CABLES2: variants seen among roughly 807,000 people sequenced by gnomAD.
The protein encoded by CABLES2 is Cdk5 and Abl enzyme substrate 2, also known as CDK5 and ABL1 enzyme substrate 2.
In CABLES2, 35 loss-of-function variants were observed where a neutral mutation model predicts 44.8. The ratio of observed to expected loss-of-function variants is 0.78; its 90% confidence interval spans 0.60 to 1.04. The LOEUF is 1.04. CABLES2 is among the 50% of genes least tolerant of loss of function. The pLI is 0.00. For synonymous variants in CABLES2, 282 were observed against 281.1 expected (o/e 1.00, Z -0.03); for missense variants, 566 against 615.7 (o/e 0.92, Z 0.85).
intron 1 of CABLES2, among the ~76,000 whole-genome samples, chr20:62,406,320 C>G (rs368429078): frequency 6.6e-6 from 1 of 152,038 alleles, no homozygotes; most frequent in East Asian, 1.9e-4. Context: ...TCAAAGAATG[C>G]GAAGAGATGC....
rs1249168469 is a variant in CABLES2 at position 62,396,652 on chromosome 20, C to T, written c.363-60G>A. 4.6e-6 allele frequency: 7 copies of T among 1,538,168 alleles called. No individual in the cohort carries two copies. The highest frequency in any genetic ancestry group is 6.2e-6 in the Non-Finnish European group (7 of 1,131,298). ...CCAGCCCGGGTGCCGCCTTTGTGGC[C>T]AGAAACCGAGTGCCGCCCGCTGTGC... On this transcript the variant is annotated intron_variant, in intron 1 of 9. Transcript: ENST00000279101. The surrounding 1 kb of genome is among the most constrained non-coding windows in gnomAD (Gnocchi z 5.7).
rs1403803929 is a variant in CABLES2, at chr20:62,406,982, C to A, written c.295G>T (p.Ala99Ser). The A allele has an allele frequency of 5.0e-6, 6 of 1,203,820 alleles. No individual in the cohort carries two copies. The highest frequency in any genetic ancestry group is 6.2e-6 in the Non-Finnish European group (6 of 969,944). The allele number at this position is 1,203,820 out of a possible 1,614,324, so 74.6% of individuals were successfully genotyped here. A position where few individuals can be genotyped will look rare whatever the true frequency, so the allele number is the denominator to read the frequency against. ...PPTGLPARTP[A>S]PQGLLSPTQV... is the part of the protein sequence containing the mutation. ...GTGGGGCTGAGCAGGCCCTGGGGCG[C>A]GGGGGTCCTGGCGGGCAGCCCGGTG... Residue 99 changes from alanine to serine, a missense_variant, in exon 1 of 10, where the codon GCG becomes TCG. By Grantham distance (99) the Ala-to-Ser change is moderately conservative (BLOSUM62 1). Transcript: ENST00000279101.
rs1988317534 is a variant in CABLES2, at chr20:62,407,245, C to G, written c.32G>C (p.Gly11Ala). MAAAAAGGAP[G>A]PAPGPAGPPP... ...GGGCCCGGCGGGGCCGGGGGCCGGG[C>G]CCGGGGCTCCACCGGCCGCGGCCGC... Residue 11 changes from glycine (G) to alanine (A), a missense_variant, in exon 1 of 10, where the codon GGC (glycine) becomes GCC (alanine). Physicochemically the swap from Gly to Ala is moderately conservative, Grantham distance 60. Around this residue, in one of 2 missense-constraint regions of CABLES2, gnomAD observed 130 missense variants for 79.4 expected, o/e 1.64. Coordinates refer to ENST00000279101, the MANE Select transcript of CABLES2 (RefSeq NM_031215.3). 2 of 763,336 alleles carry G rather than the reference C, an allele frequency of 2.6e-6. No individual in the cohort carries two copies. The highest frequency in any genetic ancestry group is 1.9e-5 in the African/African-American group (1 of 52,036). 47.3% of individuals were successfully genotyped at this position (763,336 alleles called of 1,614,324 possible).
At position 62,406,976 on chromosome 20, in the gene CABLES2, G is replaced by A; in HGVS notation, c.301C>T (p.Gln101Ter). Residue 101 changes from glutamine (Q) to a stop codon, truncating the protein, a stop_gained, in exon 1 of 10, where the codon CAG becomes TAG. Coordinates refer to ENST00000279101, the MANE Select transcript of CABLES2 (RefSeq NM_031215.3). LOFTEE classifies it high-confidence loss of function. ...TGLPARTPAP[Q>*]GLLSPTQVPT... ...ACCTGCGTGGGGCTGAGCAGGCCCT[G>A]GGGCGCGGGGGTCCTGGCGGGCAGC... The A allele has an allele frequency of 2.5e-6, 3 of 1,206,968 alleles. No individual in the cohort carries two copies. Among genetic ancestry groups the A allele is most frequent in the Non-Finnish European group, 3.1e-6 (3 of 971,768 alleles). 74.8% of individuals were successfully genotyped at this position (1,206,968 alleles called of 1,614,324 possible).
chr20:62,396,172 G>C lies in CABLES2; in HGVS notation c.527+143C>G. The C allele has an allele frequency of 1.4e-6, 1 of 714,038 alleles. No individual in the cohort carries two copies. The highest frequency in any genetic ancestry group is 2.5e-6 in the Non-Finnish European group (1 of 406,480). 44.2% of individuals were successfully genotyped at this position (714,038 alleles called of 1,614,324 possible). On this transcript the variant is annotated intron_variant, in intron 3 of 9. Coordinates refer to ENST00000279101, the MANE Select transcript of CABLES2 (RefSeq NM_031215.3). This position sits in a 1 kb window ranked among gnomAD's most constrained non-coding sequence, Gnocchi z 5.7. ...TGTGGAGCAAGCAGTGTGGTGGGGA[G>C]GAGGGCCCACCTCTAGAGGTGTGGA...
Position 62,406,941 on chromosome 20 carries a change from G to A in CABLES2, c.336C>T (p.Gly112=). Residue 112 remains glycine, a synonymous_variant, in exon 1 of 10, where the codon GGC becomes GGT. Coordinates refer to ENST00000279101, the MANE Select transcript of CABLES2 (RefSeq NM_031215.3). ...TCTGGCGCTGCCCATCCAGGCCGAGGCCGGTGGGCACCTGCGTGGGGCTGA... is the reference window on the plus strand; with the variant it reads ...TCTGGCGCTGCCCATCCAGGCCGAGACCGGTGGGCACCTGCGTGGGGCTGA... ...GLLSPTQVPT[G]LGLDGQRQRK... is the part of the protein sequence containing the mutation. The A allele has an allele frequency of 8.2e-7, 1 of 1,217,002 alleles. No individual in the cohort carries two copies. The allele number at this position is 1,217,002 out of a possible 1,614,324, so 75.4% of individuals were successfully genotyped here. A position where few individuals can be genotyped will look rare whatever the true frequency, so the allele number is the denominator to read the frequency against.
intron 1 of CABLES2, among the ~76,000 whole-genome samples, chr20:62,401,643 C>T (rs746587106): frequency 1.3e-5 from 2 of 152,214 alleles, no homozygotes; most frequent in Non-Finnish European, 2.9e-5. Context: ...GGGACATGCG[C>T]AATCAGGGGA....
At position 62,396,038 on chromosome 20, in the gene CABLES2, C is replaced by T. The variant is rs564931096; in HGVS notation, c.527+277G>A. Among the ~76,000 whole-genome samples the T allele has an allele frequency of 2.6e-4, 39 of 152,374 alleles. No individual in the cohort carries two copies. The highest frequency in any genetic ancestry group is 5.0e-4 in the Non-Finnish European group (34 of 68,036). The stretch of plus-strand genomic sequence containing the variant: ...TTTCTGTGTCTCCAGTTTTCCTTCA[C>T]GTCAGCACTGTTGCTGGAGGCTAGT... On this transcript the variant is annotated intron_variant, in intron 3 of 9. Transcript: ENST00000279101. The surrounding 1 kb of genome is among the most constrained non-coding windows in gnomAD (Gnocchi z 5.7).
At position 62,391,925 on chromosome 20, in the gene CABLES2, C is replaced by G. The variant is rs1044293714; in HGVS notation, c.1091+464G>C. 1.3e-5 allele frequency among the ~76,000 whole-genome samples: 2 copies of G among 152,020 alleles called. No homozygotes were observed. The highest frequency in any genetic ancestry group is 2.9e-5 in the Non-Finnish European group (2 of 67,986). ...CCCAGCAGTTCCGCCGCCTTCTGCT[C>G]GCTTTCCTCCGGTCATGGGTCATCA... On this transcript the variant is annotated intron_variant, in intron 8 of 9. Transcript: ENST00000279101. This position sits in a 1 kb window ranked among gnomAD's most constrained non-coding sequence, Gnocchi z 5.7.
chr20:62,393,418 G>A lies in CABLES2; in HGVS notation c.880+22C>T, dbSNP rs1388226229. ...CACGCGGGTCACCCTGTTCCAGGCCGTGGTTAAGGCACGTGGGCTACCTAG... is the reference window on the plus strand; with the variant it reads ...CACGCGGGTCACCCTGTTCCAGGCCATGGTTAAGGCACGTGGGCTACCTAG... On this transcript the variant is annotated intron_variant, in intron 6 of 9. Transcript: ENST00000279101. 3.8e-6 allele frequency: 6 copies of A among 1,570,724 alleles called. No homozygotes were observed. In the East Asian group the frequency reaches 6.8e-5, roughly 18 times the overall value.
chr20:62,405,457 C>T (rs983535110), intron 1 of CABLES2: 3 of 152,038 alleles, frequency 2.0e-5, no homozygotes, highest in African/African-American at 4.9e-5. Flanking sequence ...CAGGCATGTC[C>T]GTGGGGGGAC....
intron 1 of CABLES2, among the ~76,000 whole-genome samples, chr20:62,401,038 A>G (rs1037051872): frequency 6.6e-6 from 1 of 152,208 alleles, no homozygotes; most frequent in African/African-American, 2.4e-5. Context: ...CCAAGATGAC[A>G]TGGCTGGTAA....
rs1401962214 is a variant in CABLES2, at chr20:62,391,729, G to A, written c.1092-276C>T. 6.6e-6 allele frequency among the ~76,000 whole-genome samples: 1 copy of A among 151,994 alleles called. No homozygotes were observed. The highest frequency in any genetic ancestry group is 6.6e-5 in the Admixed American group (1 of 15,262). On this transcript the variant is annotated intron_variant, in intron 8 of 9. Transcript: ENST00000279101. The surrounding 1 kb of genome is among the most constrained non-coding windows in gnomAD (Gnocchi z 5.7). ...TGTGCCTGGTGGGTGGAGCCACAGA[G>A]GACAGGCTCTGCTCTCGGTGGGGGG... is the stretch of plus-strand genomic sequence containing the variant.
Position 62,396,292 on chromosome 20 carries a change from C to G in CABLES2, c.527+23G>C. 6.2e-7 allele frequency: 1 copy of G among 1,605,702 alleles called. No individual in the cohort carries two copies. Among genetic ancestry groups the G allele is most frequent in the Non-Finnish European group, 8.5e-7 (1 of 1,172,618 alleles). ...GCTTATGGAGACCACAGCCCTGGCC[C>G]GGTTCCCGGCTCCGCTTCATACCTG... is the stretch of plus-strand genomic sequence containing the variant. On this transcript the variant is annotated intron_variant, in intron 3 of 9. Transcript: ENST00000279101. The surrounding 1 kb of genome is among the most constrained non-coding windows in gnomAD (Gnocchi z 5.7).
At chr20:62,392,222 G>A (rs1236286263) in intron 8 of CABLES2, among the ~76,000 whole-genome samples, 167 bp downstream of exon 8, 2 of 151,440 alleles carry the variant, frequency 1.3e-5, no homozygotes, top group Admixed American at 6.6e-5. Context: ...CTTGGCGGGC[G>A]GTGGAGGTGG....
Position 62,407,278 on chromosome 20 carries a change from C to T in CABLES2, c.-2G>A, listed in dbSNP as rs1988320949. 4.3e-6 allele frequency: 2 copies of T among 466,916 alleles called. No homozygotes were observed. The highest frequency in any genetic ancestry group is 9.1e-5 in the South Asian group (1 of 11,018). The allele number at this position is 466,916 out of a possible 1,614,324, so 28.9% of individuals were successfully genotyped here. ...TCCACCGGCCGCGGCCGCGGCCATC[C>T]TCAGACTGCGCCCGCCGCCGCGAAG... On this transcript the variant is annotated 5_prime_UTR_variant, in exon 1 of 10. Coordinates refer to ENST00000279101, the MANE Select transcript of CABLES2 (RefSeq NM_031215.3).
rs752301474 is a variant in CABLES2 at position 62,396,641 on chromosome 20, G to C, written c.363-49C>G. The C allele has an allele frequency of 2.7e-5, 42 of 1,555,228 alleles. No individual in the cohort carries two copies. The highest frequency in any genetic ancestry group is 3.4e-5 in the Non-Finnish European group (39 of 1,144,334). ...AAAACAGGCCACCAGCCCGGGTGCC[G>C]CCTTTGTGGCCAGAAACCGAGTGCC... On this transcript the variant is annotated intron_variant, in intron 1 of 9. Transcript: ENST00000279101. The surrounding 1 kb of genome is among the most constrained non-coding windows in gnomAD (Gnocchi z 5.7).
chr20:62,394,043 AC>A, intron 5 of CABLES2, 113 bp downstream of exon 5: 1 of 840,314 alleles, frequency 1.2e-6, no homozygotes, highest in Non-Finnish European at 2.0e-6. Context: ...CTTGCGTTTT[AC>A]GTGGAGTGAA....
At position 62,396,657 on chromosome 20, in the gene CABLES2, A is replaced by G; in HGVS notation, c.363-65T>C. ...CCGGGTGCCGCCTTTGTGGCCAGAA[A>G]CCGAGTGCCGCCCGCTGTGCAGGGA... On this transcript the variant is annotated intron_variant, in intron 1 of 9. Coordinates refer to ENST00000279101, the MANE Select transcript of CABLES2 (RefSeq NM_031215.3). The surrounding 1 kb of genome is among the most constrained non-coding windows in gnomAD (Gnocchi z 5.7). 1 of 1,511,496 alleles carries G rather than the reference A, an allele frequency of 6.6e-7. No homozygotes were observed. The highest frequency in any genetic ancestry group is 2.4e-5 in the East Asian group (1 of 41,660). The allele number at this position is 1,511,496 out of a possible 1,614,324, so 93.6% of individuals were successfully genotyped here.
Sources: gnomAD v4.1 joint callset for allele counts (sites outside exome capture counted in the v4.1 genomes callset) on GRCh38, gnomAD v4.1.1 for gene constraint, gnomAD v4.1.1 regional missense constraint, Gnocchi (gnomAD v3.1) non-coding constraint, MANE v1.5 for transcripts, NCBI Gene and HGNC (gene_info 2026-07-23, HGNC 2026-07-21) for gene names.